Variants in RAB3C observed in about 807,000 individuals in gnomAD.
RAB3C encodes the protein ras-related protein Rab-3C.
RAB3C carries 17 observed loss-of-function variants against 26.4 expected under a neutral mutation model. The observed-to-expected ratio is 0.64, with a 90% CI of 0.44 to 0.97. The LOEUF is 0.97. Ranked by LOEUF, RAB3C falls within the 50% of genes least tolerant of loss-of-function variation. The pLI is 0.00. For synonymous variants in RAB3C, 91 were observed against 95.9 expected, an observed-to-expected ratio of 0.95 and a Z score of 0.30; for missense variants, 242 against 281.9, an observed-to-expected ratio of 0.86 and a Z score of 1.01.
At chr5:58,724,329 C>T (rs1006152183) in intron 2 of RAB3C, among the ~76,000 whole-genome samples, 8 of 151,708 alleles carry the variant, frequency 5.3e-5, no homozygotes, top group African/African-American at 9.7e-5. Flanking sequence ...CCACATTCCT[C>T]GGCTATCTAA....
intron 2 of RAB3C, among the ~76,000 whole-genome samples, chr5:58,628,560 CCT>C (rs1050037693): frequency 3.3e-5 from 5 of 152,304 alleles, no homozygotes; most frequent in African/African-American, 1.2e-4. Context: ...ATGCCTTGGA[CCT>C]CTCATTCATC....
At chr5:58,650,820 A>T (rs553400973) in intron 2 of RAB3C, among the ~76,000 whole-genome samples, 1 of 152,324 alleles carries the variant, frequency 6.6e-6, no homozygotes, top group East Asian at 1.9e-4. Flanking sequence ...TTGGTAAATA[A>T]CTTCCACAAC....
At chr5:58,658,323 G>A (rs1747822974) in intron 2 of RAB3C, among the ~76,000 whole-genome samples, 2 of 152,190 alleles carry the variant, frequency 1.3e-5, no homozygotes. Context: ...ACCAAGGTGA[G>A]TATGGGAGGA....
intron 1 of RAB3C, among the ~76,000 whole-genome samples, chr5:58,611,878 C>A (rs867422236): frequency 6.6e-6 from 1 of 151,838 alleles, no homozygotes; most frequent in Non-Finnish European, 1.5e-5. Flanking sequence ...TATATTTAAG[C>A]CTTTAATCCA....
chr5:58,779,862 T>A (rs1467188932), intron 3 of RAB3C, among the ~76,000 whole-genome samples: 2 of 152,060 alleles, frequency 1.3e-5, no homozygotes, highest in Non-Finnish European at 2.9e-5. Flanking sequence ...TTTCTTGAGA[T>A]ATATAGTGCC....
intron 2 of RAB3C, among the ~76,000 whole-genome samples, chr5:58,710,622 A>ATAAAT (rs1561296814): frequency 1.3e-5 from 2 of 150,466 alleles, no homozygotes; most frequent in African/African-American, 4.9e-5. Flanking sequence ...AAATAAATAA[A>ATAAAT]TAAATAAATA....
At chr5:58,754,477 A>G (rs563172219) in intron 3 of RAB3C, among the ~76,000 whole-genome samples, 1 of 152,254 alleles carries the variant, frequency 6.6e-6, no homozygotes, top group Admixed American at 6.5e-5. Context: ...CGTCATACTC[A>G]GCGTGAATAT....
intron 2 of RAB3C, among the ~76,000 whole-genome samples, chr5:58,701,103 C>A (rs2111878912): frequency 6.6e-6 from 1 of 152,178 alleles, no homozygotes; most frequent in South Asian, 2.1e-4. Flanking sequence ...TCACAACATT[C>A]TCCCGCCTCA....
At chr5:58,840,013 A>G (rs1743843234) in intron 4 of RAB3C, among the ~76,000 whole-genome samples, 1 of 151,118 alleles carries the variant, frequency 6.6e-6, no homozygotes, top group African/African-American at 2.4e-5. Flanking sequence ...GGGTTACTTT[A>G]TATGTGACTT....
intron 3 of RAB3C, among the ~76,000 whole-genome samples, chr5:58,745,655 A>G (rs1340607710): frequency 6.6e-6 from 1 of 152,136 alleles, no homozygotes; most frequent in Non-Finnish European, 1.5e-5. Flanking sequence ...CGAGGCAGGT[A>G]TTTATTAAAT....
intron 4 of RAB3C, among the ~76,000 whole-genome samples, chr5:58,842,246 T>C (rs1215307719): frequency 1.3e-5 from 2 of 152,230 alleles, no homozygotes; most frequent in African/African-American, 4.8e-5. Flanking sequence ...GAAGACACTC[T>C]AGTCCCTTGA....
At chr5:58,766,782 G>C (rs1341874839) in intron 3 of RAB3C, among the ~76,000 whole-genome samples, 3 of 152,140 alleles carry the variant, frequency 2.0e-5, no homozygotes, top group African/African-American at 7.2e-5. Flanking sequence ...GGGCACAAAG[G>C]CACAAGAAAT....
rs1414435287 is a variant in RAB3C at position 58,851,417 on chromosome 5, C to G, written c.*66C>G. The G allele has an allele frequency of 3.9e-6, 5 of 1,289,690 alleles. No individual in the cohort carries two copies. The highest frequency in any genetic ancestry group is 5.3e-6 in the Non-Finnish European group (5 of 936,388). The allele number at this position is 1,289,690 out of a possible 1,614,324, so 79.9% of individuals were successfully genotyped here. A position where few individuals can be genotyped will look rare whatever the true frequency, so the allele number is the denominator to read the frequency against. On this transcript the variant is annotated 3_prime_UTR_variant, in exon 5 of 5. Transcript: ENST00000282878. ...CCAACAAACAGCATTTGTAAATGGT[C>G]TATTAGCCTTCATTTATACTGCCTA...
intron 1 of RAB3C, among the ~76,000 whole-genome samples, chr5:58,596,232 A>T (rs1210821726): frequency 6.6e-6 from 1 of 151,972 alleles, no homozygotes; most frequent in Non-Finnish European, 1.5e-5. Flanking sequence ...GGTATCTCCA[A>T]TTCCAAGGCC....
rs528917154 is a variant in RAB3C at position 58,791,516 on chromosome 5, A to G, written c.372-33522A>G. Among the ~76,000 whole-genome samples the G allele has an allele frequency of 2.6e-5, 4 of 152,388 alleles. No homozygotes were observed. In the East Asian group the frequency reaches 7.7e-4, roughly 29 times the overall value. ...AGAGGATTTTCAAGAAGGTATGATT[A>G]GGGATGAGTCTTGGAGGATTGGCTA... On this transcript the variant is annotated intron_variant, in intron 3 of 4. Coordinates refer to ENST00000282878, the MANE Select transcript of RAB3C (RefSeq NM_138453.4).
intron 2 of RAB3C, among the ~76,000 whole-genome samples, chr5:58,638,787 G>C (rs1747345394): frequency 6.6e-6 from 1 of 152,200 alleles, no homozygotes; most frequent in African/African-American, 2.4e-5. Context: ...ATCAACACTA[G>C]GAAATGATCT....
intron 3 of RAB3C, among the ~76,000 whole-genome samples, chr5:58,784,343 C>T (rs1450203825): frequency 3.9e-5 from 6 of 152,040 alleles, no homozygotes; most frequent in South Asian, 2.1e-4. Flanking sequence ...ACAATCATGG[C>T]GGAAGACGAA....
intron 2 of RAB3C, among the ~76,000 whole-genome samples, chr5:58,661,875 T>A (rs888084601): frequency 6.7e-6 from 1 of 149,338 alleles, no homozygotes; most frequent in Non-Finnish European, 1.5e-5. Flanking sequence ...CAAAACAGAA[T>A]GAACAGTTGT....
chr5:58,677,802 GA>G (rs57702027), intron 2 of RAB3C, among the ~76,000 whole-genome samples: 26 of 152,286 alleles, frequency 1.7e-4, no homozygotes, highest in African/African-American at 6.3e-4. Flanking sequence ...GCAGTGATCT[GA>G]AAGGATATTG....
Sources: gnomAD v4.1 joint callset for allele counts (sites outside exome capture counted in the v4.1 genomes callset) on GRCh38, gnomAD v4.1.1 for gene constraint, MANE v1.5 for transcripts, NCBI Gene and HGNC (gene_info 2026-07-23, HGNC 2026-07-21) for gene names.